The following NINJ2 variants were observed in gnomAD, a reference collection of about 807,000 sequenced individuals.
The protein encoded by NINJ2 is ninjurin 2, also known as ninjurin-2.
NINJ2 carries 12 observed loss-of-function variants against 11.7 expected under a neutral mutation model. The ratio of observed to expected loss-of-function variants is 1.02; its 90% CI spans 0.66 to 1.66. The LOEUF is 1.66. Ranked by LOEUF, NINJ2 falls within the 40% of genes most tolerant of loss-of-function variation. NINJ2 has a pLI of 0.00. For synonymous variants in NINJ2, 93 were observed against 76.8 expected, an observed-to-expected ratio of 1.21 and a Z score of -1.10; for missense variants, 187 against 181.8, an observed-to-expected ratio of 1.03 and a Z score of -0.16.
rs548224392 is a variant in NINJ2 at position 628,893 on chromosome 12, G to A, written c.33+34435C>T. Among the ~76,000 whole-genome samples the A allele has an allele frequency of 6.6e-6, 1 of 152,280 alleles. No individual in the cohort carries two copies. Among genetic ancestry groups the A allele is most frequent in the East Asian group, 1.9e-4 (1 of 5,184 alleles). The stretch of plus-strand genomic sequence containing the variant: ...GGAAATTATCCTATATGGTCTAAAA[G>A]AAGGAGGAGTCCTCAACTGGGGGAG... On this transcript the variant is annotated intron_variant, in intron 1 of 3. Coordinates refer to ENST00000305108, the MANE Select transcript of NINJ2 (RefSeq NM_016533.6). The surrounding 1 kb of genome is among the most constrained non-coding windows in gnomAD (Gnocchi z 4.4).
intron 1 of NINJ2, among the ~76,000 whole-genome samples, chr12:598,295 C>T (rs750155801): frequency 2.6e-5 from 4 of 152,212 alleles, no homozygotes; most frequent in East Asian, 1.9e-4. Flanking sequence ...GGGGTAAGTG[C>T]GGATCTACGT....
At position 663,426 on chromosome 12, in the gene NINJ2, G is replaced by T. The variant is rs778050032; in HGVS notation, c.-66C>A. 15 of 1,613,974 alleles carry T rather than the reference G, an allele frequency of 9.3e-6. No individual in the cohort carries two copies. The highest frequency in any genetic ancestry group is 4.5e-5 in the East Asian group (2 of 44,894). On this transcript the variant is annotated 5_prime_UTR_variant, in exon 1 of 4. Transcript: ENST00000305108. The stretch of plus-strand genomic sequence containing the variant: ...GAACAGACTGCGTGGGCTCCTCCAG[G>T]CTCCGCCGTCTGAGTCTCTGCTGCT...
intron 1 of NINJ2, among the ~76,000 whole-genome samples, chr12:605,915 TAA>T (rs938149867): frequency 2.0e-5 from 3 of 151,576 alleles, no homozygotes; most frequent in Admixed American, 6.6e-5. Flanking sequence ...AATAAAGAAA[TAA>T]GAGAAGAGAC....
intron 1 of NINJ2, among the ~76,000 whole-genome samples, chr12:662,432 G>GAGAGAGAGAT (rs1937970446): frequency 6.6e-6 from 1 of 151,996 alleles, no homozygotes; most frequent in African/African-American, 2.4e-5. Flanking sequence ...GAGAGAGAGA[G>GAGAGAGAGAT]ACGCGTGCAC....
chr12:645,243 C>T (rs1592116717), intron 1 of NINJ2: 1 of 152,196 alleles, frequency 6.6e-6, no homozygotes. Flanking sequence ...GTACGGGCCT[C>T]AGTTCTGCTG....
chr12:565,941 G>A lies in NINJ2; in HGVS notation c.262+9C>T, dbSNP rs759210058. ...GGCAGAAGGTCTGACTGCAGGCTGGGCTCCTCACCAATGACCACGAGCAGG... is the reference window on the plus strand; with the variant it reads ...GGCAGAAGGTCTGACTGCAGGCTGGACTCCTCACCAATGACCACGAGCAGG... On this transcript the variant is annotated intron_variant, in intron 2 of 3. Coordinates refer to ENST00000305108, the MANE Select transcript of NINJ2 (RefSeq NM_016533.6). 1.9e-6 allele frequency: 3 copies of A among 1,612,192 alleles called. No homozygotes were observed. Among genetic ancestry groups the A allele is most frequent in the Non-Finnish European group, 2.5e-6 (3 of 1,178,180 alleles).
rs1440796115 is a variant in NINJ2 at position 611,267 on chromosome 12, T to TCTC, written c.34-45090_34-45089insGAG. On this transcript the variant is annotated intron_variant, in intron 1 of 3. Transcript: ENST00000305108. ...TCTTTCTCTCTCTCTCTTTCTTTCT[T>TCTC]TCTTTCTCTCTCTCTTTCTTTCTCT... 3.7e-3 allele frequency among the ~76,000 whole-genome samples: 425 copies of TCTC among 115,720 alleles called. 6 individuals carry two copies. The highest frequency in any genetic ancestry group is 3.9e-3 in the Admixed American group (46 of 11,788). 75.9% of individuals were successfully genotyped at this position (115,720 alleles called of 152,430 possible).
At chr12:597,774 C>G (rs1003198215) in intron 1 of NINJ2, among the ~76,000 whole-genome samples, 6 of 152,232 alleles carry the variant, frequency 3.9e-5, no homozygotes, top group African/African-American at 1.4e-4. Context: ...ACAATGAACA[C>G]CAAGAAGTGT....
chr12:636,992 C>A (rs1020340792), intron 1 of NINJ2, among the ~76,000 whole-genome samples: 2 of 152,220 alleles, frequency 1.3e-5, no homozygotes, highest in Non-Finnish European at 2.9e-5. Context: ...CAGTGTCCAT[C>A]AGCAGATGAA....
intron 1 of NINJ2, among the ~76,000 whole-genome samples, chr12:609,670 G>C (rs1359940910): frequency 3.3e-5 from 5 of 151,122 alleles, no homozygotes; most frequent in Non-Finnish European, 5.9e-5. Flanking sequence ...ACTCAGGAGG[G>C]TGAGGCAGGA....
At chr12:576,262 C>T (rs1185243224) in intron 1 of NINJ2, among the ~76,000 whole-genome samples, 1 of 152,136 alleles carries the variant, frequency 6.6e-6, no homozygotes, top group Admixed American at 6.5e-5. Context: ...AGGCCTGCGG[C>T]GCCGCCGTTG....
chr12:643,346 A>G, intron 1 of NINJ2: 1 of 729,336 alleles, frequency 1.4e-6, no homozygotes, highest in Non-Finnish European at 1.7e-6. Flanking sequence ...CCGGGTGGGG[A>G]GGGGAGGGTG....
chr12:629,625 C>T (rs368870129), intron 1 of NINJ2, among the ~76,000 whole-genome samples: 53 of 151,910 alleles, frequency 3.5e-4, no homozygotes, highest in African/African-American at 1.2e-3. Context: ...TGGTGGCTCA[C>T]GCCTGTAATC....
intron 1 of NINJ2, among the ~76,000 whole-genome samples, chr12:621,410 C>A (rs1169769376): frequency 6.7e-6 from 1 of 150,366 alleles, no homozygotes; most frequent in Non-Finnish European, 1.5e-5. Flanking sequence ...GCTGTGATTG[C>A]ACCACTGCAC....
At chr12:615,752 G>C (rs1948084544) in intron 1 of NINJ2, among the ~76,000 whole-genome samples, 1 of 152,192 alleles carries the variant, frequency 6.6e-6, no homozygotes, top group Admixed American at 6.5e-5. Context: ...GGCTATTAGA[G>C]GGCTATGTGT....
rs540484621 is a variant in NINJ2, at chr12:581,781, G to A, written c.34-15603C>T. On this transcript the variant is annotated intron_variant, in intron 1 of 3. Transcript: ENST00000305108. This position sits in a 1 kb window ranked among gnomAD's most constrained non-coding sequence, Gnocchi z 4.9. ...AAAGAGGAGACACCCCTTCCTCCTCGTGGTGAGAAGCTAGTATCTGGTGAA... is the reference window on the plus strand; with the variant it reads ...AAAGAGGAGACACCCCTTCCTCCTCATGGTGAGAAGCTAGTATCTGGTGAA... Among the ~76,000 whole-genome samples, 7 of 152,252 alleles carry A rather than the reference G, an allele frequency of 4.6e-5. No individual in the cohort carries two copies. The highest frequency in any genetic ancestry group is 1.2e-4 in the African/African-American group (5 of 41,536).
chr12:629,607 G>C (rs1948246886), intron 1 of NINJ2, among the ~76,000 whole-genome samples: 1 of 152,032 alleles, frequency 6.6e-6, no homozygotes, highest in Admixed American at 6.6e-5. Flanking sequence ...TGAGTTCTTG[G>C]TTGGGCATGG....
intron 1 of NINJ2, among the ~76,000 whole-genome samples, chr12:605,827 T>C (rs1947935806): frequency 6.6e-6 from 1 of 152,214 alleles, no homozygotes; most frequent in African/African-American, 2.4e-5. Context: ...CTTCACAACT[T>C]AGCTCTCCTT....
At chr12:622,759 C>T (rs138423874) in intron 1 of NINJ2, among the ~76,000 whole-genome samples, 1 of 152,198 alleles carries the variant, frequency 6.6e-6, no homozygotes, top group African/African-American at 2.4e-5. Context: ...ACCCTAAATG[C>T]AGTCACACAC....
Sources: allele counts gnomAD v4.1 joint callset (sites outside exome capture counted in the v4.1 genomes callset), GRCh38; gene constraint gnomAD v4.1.1; non-coding constraint Gnocchi (gnomAD v3.1); transcripts MANE v1.5; gene names NCBI Gene and HGNC (gene_info 2026-07-23, HGNC 2026-07-21).